Variants in FOXP2 observed in about 807,000 individuals in gnomAD.
The protein encoded by FOXP2 is forkhead box P2, also known as forkhead box protein P2.
In FOXP2, 12 loss-of-function variants were observed where a neutral mutation model predicts 115.8. The ratio of observed to expected loss-of-function variants is 0.10; its 90% confidence interval spans 0.07 to 0.17. The LOEUF (loss-of-function observed/expected upper bound fraction) is 0.17, where lower values mean the gene tolerates loss of function less well. FOXP2 is among the 10% of genes least tolerant of loss of function. The pLI, the probability that FOXP2 is intolerant of heterozygous loss-of-function variation, is 1.00. For synonymous variants in FOXP2, 328 were observed against 297.7 expected (o/e 1.10, Z -1.05); for missense variants, 629 against 843.5 (o/e 0.75, Z 3.15).
intron 1 of FOXP2, among the ~76,000 whole-genome samples, chr7:114,251,444 C>G (rs1795439981): frequency 6.6e-6 from 1 of 152,258 alleles, no homozygotes; most frequent in East Asian, 1.9e-4. Context: ...GAATGTTCTT[C>G]CATTTGTTTG....
chr7:114,124,275 G>T (rs1791645348), intron 1 of FOXP2, among the ~76,000 whole-genome samples: 1 of 151,920 alleles, frequency 6.6e-6, no homozygotes, highest in Non-Finnish European at 1.5e-5. Flanking sequence ...AAATTTAGGG[G>T]CATTTTCATA....
chr7:114,256,210 C>G (rs1161437859), intron 1 of FOXP2, among the ~76,000 whole-genome samples: 1 of 152,146 alleles, frequency 6.6e-6, no homozygotes, highest in Non-Finnish European at 1.5e-5. Context: ...TCAAGTGATT[C>G]TCCTGCCTCA....
rs537244398 is a variant in FOXP2, at chr7:114,348,626, C to A, written c.-11+60517C>A. 5.3e-5 allele frequency among the ~76,000 whole-genome samples: 8 copies of A among 152,084 alleles called. No individual in the cohort carries two copies. The East Asian group carries it at 9.7e-4, about 18-fold the overall frequency. The stretch of plus-strand genomic sequence containing the variant: ...TTATAGAAAGAACACTGTCCAGGAT[C>A]CAAAAGACATAAGGTTGAGTGTAGT... On this transcript the variant is annotated intron_variant, in intron 2 of 17. Coordinates refer to the FOXP2 transcript ENST00000634411.
chr7:114,262,994 C>G (rs150041134), intron 1 of FOXP2, among the ~76,000 whole-genome samples: 3 of 152,298 alleles, frequency 2.0e-5, no homozygotes, highest in African/African-American at 7.2e-5. Flanking sequence ...TAATTCCCTA[C>G]ACTCTTAGCT....
chr7:114,538,282 A>C, intron 3 of FOXP2: 1 of 1,225,110 alleles, frequency 8.2e-7, no homozygotes, highest in Non-Finnish European at 1.1e-6. Context: ...AATTTAGTTT[A>C]GATATGAAAA....
chr7:114,641,237 A>G (rs1409394325), intron 6 of FOXP2, among the ~76,000 whole-genome samples: 1 of 152,234 alleles, frequency 6.6e-6, no homozygotes, highest in African/African-American at 2.4e-5. Context: ...CACAAGGTCT[A>G]TAAAAAATAT....
rs1033980248 is a variant in FOXP2 at position 114,514,546 on chromosome 7, T to C, written c.169-20071T>C. Reference sequence around the variant, plus strand: ...TCCTGGTTTATTTTACTTAACATAATGTCCTCTAGCTTCATCCATGTTGTC... The same window carrying C: ...TCCTGGTTTATTTTACTTAACATAACGTCCTCTAGCTTCATCCATGTTGTC... On this transcript the variant is annotated intron_variant, in intron 2 of 16. Coordinates refer to ENST00000350908, the MANE Select transcript of FOXP2 (RefSeq NM_014491.4). Among the ~76,000 whole-genome samples, 6 of 152,132 alleles carry C rather than the reference T, an allele frequency of 3.9e-5. No individual in the cohort carries two copies. The South Asian group carries it at 1.2e-3, about 32-fold the overall frequency.
At chr7:114,208,013 C>T (rs959821030) in intron 1 of FOXP2, among the ~76,000 whole-genome samples, 3 of 152,166 alleles carry the variant, frequency 2.0e-5, no homozygotes, top group South Asian at 2.1e-4. Flanking sequence ...CCTACTTGGT[C>T]ACCACCTAGT....
intron 2 of FOXP2, among the ~76,000 whole-genome samples, chr7:114,335,722 A>T (rs1362379326): frequency 6.6e-5 from 10 of 151,854 alleles, no homozygotes; most frequent in Admixed American, 4.6e-4. Context: ...TAAAGGGTTC[A>T]TTAATCTGAG....
At chr7:114,231,979 A>G (rs1794887756) in intron 1 of FOXP2, among the ~76,000 whole-genome samples, 1 of 152,176 alleles carries the variant, frequency 6.6e-6, no homozygotes, top group Non-Finnish European at 1.5e-5. Context: ...AGGAATTAAT[A>G]TCTTAAAAAA....
intron 9 of FOXP2, 47 bp from the exon 10 acceptor site, chr7:114,653,879 G>C: frequency 1.3e-6 from 2 of 1,549,164 alleles, no homozygotes; most frequent in Non-Finnish European, 1.8e-6. Flanking sequence ...TAAAATAGCT[G>C]TATCAGTCAT....
chr7:114,584,083 G>C (rs1802003046), intron 3 of FOXP2, among the ~76,000 whole-genome samples: 1 of 152,014 alleles, frequency 6.6e-6, no homozygotes. Flanking sequence ...AGGAAAGTGA[G>C]CATAACTAAA....
chr7:114,472,804 A>G (rs1796106938), intron 2 of FOXP2, among the ~76,000 whole-genome samples: 1 of 152,146 alleles, frequency 6.6e-6, no homozygotes, highest in South Asian at 2.1e-4. Flanking sequence ...TAAATTAAAA[A>G]TGGTTCTGAG....
intron 2 of FOXP2, among the ~76,000 whole-genome samples, chr7:114,378,344 C>T (rs1246605170): frequency 1.3e-5 from 2 of 152,098 alleles, no homozygotes; most frequent in Admixed American, 6.5e-5. Flanking sequence ...AATTAGGCTT[C>T]CTGCTAATTC....
intron 2 of FOXP2, among the ~76,000 whole-genome samples, chr7:114,525,324 T>G (rs903700655): frequency 2.0e-5 from 3 of 152,234 alleles, no homozygotes; most frequent in African/African-American, 7.2e-5. Context: ...TTAAGTACAT[T>G]ATCCTCTCTG....
chr7:114,436,549 T>A (rs958048139), intron 2 of FOXP2, among the ~76,000 whole-genome samples: 1 of 151,474 alleles, frequency 6.6e-6, no homozygotes, highest in African/African-American at 2.4e-5. Flanking sequence ...ATTTATTTAA[T>A]ACCTACTGTG....
intron 3 of FOXP2, among the ~76,000 whole-genome samples, chr7:114,616,617 C>T (rs1476774031): frequency 1.3e-5 from 2 of 152,072 alleles, no homozygotes; most frequent in Non-Finnish European, 2.9e-5. Flanking sequence ...TTAAATATTT[C>T]CTGAAGATAT....
chr7:114,311,206 G>A (rs1400632816), intron 2 of FOXP2, among the ~76,000 whole-genome samples: 1 of 152,106 alleles, frequency 6.6e-6, no homozygotes, highest in African/African-American at 2.4e-5. Flanking sequence ...GTGTCTGTCA[G>A]GTTGGGCAGG....
intron 1 of FOXP2, among the ~76,000 whole-genome samples, chr7:114,220,252 TAA>T (rs896445695): frequency 6.6e-6 from 1 of 151,412 alleles, no homozygotes; most frequent in African/African-American, 2.4e-5. Context: ...TATTGCAATA[TAA>T]AAAAAATAAT....
Sources: allele counts gnomAD v4.1 joint callset (sites outside exome capture counted in the v4.1 genomes callset), GRCh38; gene constraint gnomAD v4.1.1; transcripts MANE v1.5; gene names NCBI Gene and HGNC (gene_info 2026-07-23, HGNC 2026-07-21).